ANKRD44: variants seen among roughly 807,000 people sequenced by gnomAD.
ANKRD44 encodes ankyrin repeat domain 44.
In ANKRD44, 35 loss-of-function variants were observed where a neutral mutation model predicts 116.0. That is an observed-to-expected ratio of 0.30 (90% CI 0.23 to 0.40). The LOEUF (loss-of-function observed/expected upper bound fraction) is 0.40. Among genes scored for constraint, ANKRD44 ranks in the 10% least tolerant of loss-of-function variants. The pLI, the probability that ANKRD44 is intolerant of heterozygous loss-of-function variation, is 1.00. For synonymous variants in ANKRD44, 435 were observed against 461.8 expected (o/e 0.94, Z 0.74); for missense variants, 1,014 against 1,242.6 (o/e 0.82, Z 2.77).
At chr2:197,001,188 A>T (rs1225439013) in intron 22 of ANKRD44, among the ~76,000 whole-genome samples, 1 of 152,234 alleles carries the variant, frequency 6.6e-6, no homozygotes, top group East Asian at 1.9e-4. Flanking sequence ...AAGAATCCTC[A>T]GGTCTTGGGC....
chr2:197,301,258 G>A (rs1559233545), intron 1 of ANKRD44: 1 of 152,158 alleles, frequency 6.6e-6, no homozygotes, highest in South Asian at 2.1e-4. Flanking sequence ...TGTGGAGAAG[G>A]GGAGAGCAGA....
intron 21 of ANKRD44, among the ~76,000 whole-genome samples, chr2:196,979,554 C>CTTTTATTTTTTTTTTTTTTTTT (rs2075785423): frequency 1.7e-5 from 1 of 59,634 alleles, no homozygotes; most frequent in Admixed American, 2.4e-4. Flanking sequence ...AATAAGATGA[C>CTTTTATTTTTTTTTTTTTTTTT]TTTTTTTTTT....
intron 16 of ANKRD44, among the ~76,000 whole-genome samples, chr2:197,041,780 C>T (rs1373719961): frequency 6.6e-6 from 1 of 152,146 alleles, no homozygotes; most frequent in Non-Finnish European, 1.5e-5. Flanking sequence ...CTCTCCTTCT[C>T]CATCTTACCT....
intron 16 of ANKRD44, among the ~76,000 whole-genome samples, chr2:197,041,230 T>C (rs774340034): frequency 2.6e-5 from 4 of 152,194 alleles, no homozygotes; most frequent in Admixed American, 6.5e-5. Flanking sequence ...GGATTTCCAA[T>C]GAACTCTTCT....
intron 16 of ANKRD44, among the ~76,000 whole-genome samples, chr2:197,026,047 C>CAAAAAAAAAAAAAA (rs111706910): frequency 2.3e-5 from 3 of 130,348 alleles, no homozygotes; most frequent in East Asian, 2.4e-4. Context: ...TAAAAAGAAA[C>CAAAAAAAAAAAAAA]AAAAAAAAAA....
intron 16 of ANKRD44, among the ~76,000 whole-genome samples, chr2:197,027,965 C>G (rs967460685): frequency 2.6e-5 from 4 of 152,050 alleles, no homozygotes; most frequent in African/African-American, 9.7e-5. Context: ...GCTGAGATTA[C>G]ACAGGCATGA....
At chr2:197,129,551 C>T (rs2079052821) in intron 4 of ANKRD44, among the ~76,000 whole-genome samples, 1 of 152,164 alleles carries the variant, frequency 6.6e-6, no homozygotes, top group Admixed American at 6.5e-5. Context: ...GGATGACACC[C>T]TGTAGCAGGC....
chr2:197,113,402 C>G (rs1269074699), intron 8 of ANKRD44, among the ~76,000 whole-genome samples: 1 of 152,182 alleles, frequency 6.6e-6, no homozygotes, highest in African/African-American at 2.4e-5. Context: ...TAACTTGTCC[C>G]TAGGTGGTGC....
intron 13 of ANKRD44, among the ~76,000 whole-genome samples, chr2:197,084,568 C>T (rs2077876539): frequency 6.6e-6 from 1 of 152,130 alleles, no homozygotes. Flanking sequence ...TGGGTTCTGG[C>T]ATTGGCAGAT....
At chr2:197,029,690 T>C (rs555049429) in intron 16 of ANKRD44, 6 of 266,950 alleles carry the variant, frequency 2.2e-5, no homozygotes, top group East Asian at 1.4e-4. Flanking sequence ...CTGTGTCAGA[T>C]ACGATGATGG....
intron 21 of ANKRD44, among the ~76,000 whole-genome samples, chr2:197,002,852 G>T (rs191452912): frequency 2.6e-4 from 40 of 152,304 alleles, no homozygotes; most frequent in Admixed American, 1.2e-3. Context: ...GTTGAACTCA[G>T]TGCTAAGTTA....
At chr2:197,143,288 G>A (rs1468567432) in intron 3 of ANKRD44, among the ~76,000 whole-genome samples, 4 of 150,416 alleles carry the variant, frequency 2.7e-5, no homozygotes, top group Non-Finnish European at 5.9e-5. Flanking sequence ...CCATGCTGGT[G>A]TGCGACACCC....
At chr2:197,188,303 CA>C (rs2080736710) in intron 1 of ANKRD44, among the ~76,000 whole-genome samples, 1 of 151,978 alleles carries the variant, frequency 6.6e-6, no homozygotes, top group Non-Finnish European at 1.5e-5. Flanking sequence ...AGGGTGTATC[CA>C]AAAAAGCTTA....
downstream of ANKRD44, among the ~76,000 whole-genome samples, chr2:196,984,043 G>C (rs1297871716): frequency 6.6e-6 from 1 of 152,204 alleles, no homozygotes; most frequent in Non-Finnish European, 1.5e-5. Flanking sequence ...TCTCAACCTT[G>C]TAAGTTCTCG....
At chr2:197,193,660 ACGAGGT>A (rs1261203809) in intron 1 of ANKRD44, among the ~76,000 whole-genome samples, 1 of 152,146 alleles carries the variant, frequency 6.6e-6, no homozygotes, top group Admixed American at 6.5e-5. Context: ...AGGGTGGATC[ACGAGGT>A]CAGGAGATCG....
intron 8 of ANKRD44, 131 bp from the exon 9 acceptor site, chr2:197,110,975 GA>G (rs1340728113): frequency 4.5e-6 from 3 of 670,910 alleles, no homozygotes; most frequent in African/African-American, 3.6e-5. Flanking sequence ...TTTTAAGTAT[GA>G]TCAACATGAG....
chr2:197,236,239 G>A (rs1395584420), intron 1 of ANKRD44, among the ~76,000 whole-genome samples: 2 of 152,140 alleles, frequency 1.3e-5, no homozygotes, highest in African/African-American at 4.8e-5. Flanking sequence ...CTGACTGTGT[G>A]TAAGATACAG....
intron 2 of ANKRD44, 27 bp downstream of exon 2, chr2:197,186,996 G>T (rs1199034292): frequency 1.1e-5 from 17 of 1,602,270 alleles, no homozygotes; most frequent in Non-Finnish European, 1.3e-5. Context: ...AACAGGGCCT[G>T]AGTAGCAAAA....
chr2:197,310,686 T>A lies in ANKRD44; in HGVS notation c.-82A>T. The A allele has an allele frequency of 7.9e-7, 1 of 1,259,856 alleles. No homozygotes were observed. The highest frequency in any genetic ancestry group is 1.0e-6 in the Non-Finnish European group (1 of 977,180). 78.0% of individuals were successfully genotyped at this position (1,259,856 alleles called of 1,614,324 possible). A position where few individuals can be genotyped will look rare whatever the true frequency, so the allele number is the denominator to read the frequency against. ...CGGGAGCCGGGGAAGCGGAAGGGAT[T>A]GCCAGGAGAAGGGAAAAAATCTGGC... On this transcript the variant is annotated 5_prime_UTR_variant, in exon 1 of 28. Coordinates refer to ENST00000282272, the MANE Select transcript of ANKRD44 (RefSeq NM_001195144.2).
Sources: gnomAD v4.1 joint callset for allele counts (sites outside exome capture counted in the v4.1 genomes callset) on GRCh38, gnomAD v4.1.1 for gene constraint, MANE v1.5 for transcripts, NCBI Gene and HGNC (gene_info 2026-07-23, HGNC 2026-07-21) for gene names.